CHST8: variants seen among roughly 807,000 people sequenced by gnomAD.
CHST8 encodes the protein GALNAC-4-ST1.
In CHST8, 10 loss-of-function variants were observed where a neutral mutation model predicts 15.0. The observed-to-expected ratio is 0.67, with a 90% CI of 0.41 to 1.13. CHST8 has a LOEUF of 1.13. CHST8 is among the 50% of genes most tolerant of loss of function. The pLI, the probability that CHST8 is intolerant of heterozygous loss-of-function variation, is 0.00. For synonymous variants in CHST8, 259 were observed against 256.6 expected, an observed-to-expected ratio of 1.01 and a Z score of -0.09; for missense variants, 634 against 608.2, an observed-to-expected ratio of 1.04 and a Z score of -0.45.
chr19:33,643,310 A>G (rs1259560862), intron 1 of CHST8, among the ~76,000 whole-genome samples: 2 of 152,210 alleles, frequency 1.3e-5, no homozygotes, highest in African/African-American at 4.8e-5. Context: ...CCTTTTTAAC[A>G]TACATTTTAT....
At position 33,706,144 on chromosome 19, in the gene CHST8, G is replaced by T. The variant is rs111977187; in HGVS notation, c.130+16753G>T. Among the ~76,000 whole-genome samples, 1,466 of 152,232 alleles carry T rather than the reference G, an allele frequency of 9.6e-3. 21 individuals are homozygous for T. Among genetic ancestry groups the T allele is most frequent in the African/African-American group, 0.033 (1,382 of 41,526 alleles). On this transcript the variant is annotated intron_variant, in intron 3 of 4. Transcript: ENST00000650847. ...AAAGTCTGAAGTCTTCTTGGTGACCGGACAACCACTCAGGGCTGGGAGCAA... is the reference window on the plus strand; with the variant it reads ...AAAGTCTGAAGTCTTCTTGGTGACCTGACAACCACTCAGGGCTGGGAGCAA...
intron 3 of CHST8, among the ~76,000 whole-genome samples, chr19:33,769,540 G>T (rs531641903): frequency 2.0e-5 from 3 of 152,154 alleles, no homozygotes; most frequent in South Asian, 4.1e-4. Flanking sequence ...ATCGGCTGCG[G>T]GAGAGAAAGG....
At chr19:33,729,587 C>T (rs923348590) in intron 3 of CHST8, among the ~76,000 whole-genome samples, 5 of 152,160 alleles carry the variant, frequency 3.3e-5, no homozygotes, top group African/African-American at 4.8e-5. Context: ...GGCTGCCTGC[C>T]GCAGGTGAGG....
chr19:33,731,794 G>T (rs191051430), intron 3 of CHST8, among the ~76,000 whole-genome samples: 1 of 152,222 alleles, frequency 6.6e-6, no homozygotes, highest in South Asian at 2.1e-4. Flanking sequence ...TGTGCCCAAG[G>T]CTGTGGCCAG....
At chr19:33,650,507 C>CTTTTCTTTTTTTTTTTT (rs1568315003) in intron 1 of CHST8, among the ~76,000 whole-genome samples, 1 of 54,546 alleles carries the variant, frequency 1.8e-5, no homozygotes, top group Admixed American at 1.8e-4. Context: ...TTTTCTTTTT[C>CTTTTCTTTTTTTTTTTT]TTTTTCTTTT....
intron 3 of CHST8, among the ~76,000 whole-genome samples, chr19:33,756,597 C>T (rs1974552412): frequency 6.6e-6 from 1 of 152,194 alleles, no homozygotes; most frequent in Non-Finnish European, 1.5e-5. Flanking sequence ...ACCCTCACCC[C>T]TCATACCCCT....
intron 1 of CHST8, among the ~76,000 whole-genome samples, chr19:33,645,504 G>A (rs1201746793): frequency 6.6e-6 from 1 of 152,198 alleles, no homozygotes; most frequent in East Asian, 1.9e-4. Context: ...GAGCCAACAA[G>A]ATTTCCTGAT....
intron 2 of CHST8, among the ~76,000 whole-genome samples, chr19:33,670,755 T>C (rs1006988952): frequency 6.6e-6 from 1 of 152,172 alleles, no homozygotes; most frequent in African/African-American, 2.4e-5. Flanking sequence ...GTTGATGGAA[T>C]TGTCGGAGAG....
chr19:33,688,633 G>A (rs539398491), intron 2 of CHST8, among the ~76,000 whole-genome samples: 4 of 152,260 alleles, frequency 2.6e-5, no homozygotes, highest in Admixed American at 1.3e-4. Flanking sequence ...GAGTCCGTCT[G>A]TGCTTGAATA....
At position 33,772,017 on chromosome 19, in the gene CHST8, C is replaced by T. The variant is rs149660944; in HGVS notation, c.229C>T (p.Arg77Trp). 5.7e-3 allele frequency: 9,173 copies of T among 1,609,794 alleles called. 33 individuals are homozygous for T. The highest frequency in any genetic ancestry group is 6.7e-3 in the Non-Finnish European group (7,939 of 1,178,616). Residue 77 changes from arginine to tryptophan, a missense_variant, in exon 5 of 5, where the codon CGG becomes TGG. By Grantham distance (101) the Arg-to-Trp change is moderately radical. Transcript: ENST00000650847. The stretch of plus-strand genomic sequence containing the variant: ...GAAGGAACCCACAGAGAGGGTCACT[C>T]GGGACTTATCCAGTGGGGCCCCGAG... ...DLKEPTERVT[R>W]DLSSGAPRGR... is the part of the protein sequence containing the mutation.
Position 33,637,777 on chromosome 19 carries a change from C to T in CHST8, c.-164+15481C>T, listed in dbSNP as rs967663710. ...CTTTGGGAGGCCCAGGCAGGAGGAT[C>T]GCTTGAGTCCAGAAGTTCGAGGCTG... On this transcript the variant is annotated intron_variant, in intron 1 of 4. Coordinates refer to ENST00000650847, the MANE Select transcript of CHST8 (RefSeq NM_001127895.2). 4.8e-5 allele frequency among the ~76,000 whole-genome samples: 7 copies of T among 145,306 alleles called. 1 individual carries two copies. The highest frequency in any genetic ancestry group is 2.7e-4 in the Admixed American group (4 of 14,616).
At chr19:33,726,863 C>G (rs1048393856) in intron 3 of CHST8, among the ~76,000 whole-genome samples, 1 of 152,048 alleles carries the variant, frequency 6.6e-6, no homozygotes, top group Non-Finnish European at 1.5e-5. Flanking sequence ...AGGGCCATCC[C>G]GAGTGCTCAG....
At chr19:33,654,022 TC>T (rs1362312678) in intron 1 of CHST8, among the ~76,000 whole-genome samples, 1 of 152,218 alleles carries the variant, frequency 6.6e-6, no homozygotes, top group African/African-American at 2.4e-5. Context: ...TCTATTCTCT[TC>T]CTTGGAATTC....
intron 2 of CHST8, among the ~76,000 whole-genome samples, chr19:33,669,847 C>T (rs920155215): frequency 6.6e-5 from 10 of 152,180 alleles, no homozygotes; most frequent in Non-Finnish European, 1.2e-4. Flanking sequence ...TGAGGCATGG[C>T]CGAAGATGAT....
At chr19:33,723,900 G>A (rs1455223837) in intron 3 of CHST8, among the ~76,000 whole-genome samples, 1 of 152,180 alleles carries the variant, frequency 6.6e-6, no homozygotes, top group Non-Finnish European at 1.5e-5. Flanking sequence ...TGCCCCTTCT[G>A]GTGTGGGTGG....
chr19:33,772,206 G>T lies in CHST8; in HGVS notation c.418G>T (p.Gly140Trp). The change falls in exon 5 of 5, where the codon GGG becomes TGG. Residue 140 changes from glycine to tryptophan, a missense_variant. Gly to Trp is a radical substitution (Grantham distance 184, BLOSUM62 -2). Coordinates refer to ENST00000650847, the MANE Select transcript of CHST8 (RefSeq NM_001127895.2). The stretch of plus-strand genomic sequence containing the variant: ...CGCGCCCTTCATCCGGCCGGGACCC[G>T]GGACGCTGGATGGCCGCTGGGTCAG... ...SDAPFIRPGP[G>W]TLDGRWVSLH... The T allele has an allele frequency of 6.3e-7, 1 of 1,594,304 alleles. No homozygotes were observed.
At position 33,756,060 on chromosome 19, in the gene CHST8, C is replaced by G. The variant is rs144715586; in HGVS notation, c.131-15353C>G. On this transcript the variant is annotated intron_variant, in intron 3 of 4. Transcript: ENST00000650847. ...CCAGTTCCCTGCAAATGGCACCTCT[C>G]TTGGAGCAAGGAGACACCCCCAAAG... Among the ~76,000 whole-genome samples the G allele has an allele frequency of 2.6e-3, 397 of 152,288 alleles. 1 individual carries two copies. Among genetic ancestry groups the G allele is most frequent in the African/African-American group, 7.7e-3 (318 of 41,568 alleles).
At chr19:33,696,613 G>A (rs576957377) in intron 3 of CHST8, among the ~76,000 whole-genome samples, 8 of 151,872 alleles carry the variant, frequency 5.3e-5, no homozygotes, top group East Asian at 1.9e-4. Context: ...TAAATGTAAC[G>A]TGCTTGAACC....
At chr19:33,771,516 A>G in intron 4 of CHST8, 66 bp downstream of exon 4, 1 of 1,488,800 alleles carries the variant, frequency 6.7e-7, no homozygotes, top group Non-Finnish European at 9.4e-7. Flanking sequence ...AGGGCTGGGA[A>G]GAAAATTAGG....
Sources: allele counts gnomAD v4.1 joint callset (sites outside exome capture counted in the v4.1 genomes callset), GRCh38; gene constraint gnomAD v4.1.1; transcripts MANE v1.5; gene names NCBI Gene and HGNC (gene_info 2026-07-23, HGNC 2026-07-21).